ZRANB3: variants seen among roughly 807,000 people sequenced by gnomAD.
The protein encoded by ZRANB3 is zinc finger RANBP2-type containing 3.
Under a neutral mutation model 133.8 loss-of-function variants are expected in ZRANB3, and 125 were observed. That is an observed-to-expected ratio of 0.93 (90% CI 0.81 to 1.08). The LOEUF is 1.08. ZRANB3 is among the 50% of genes least tolerant of loss of function. The pLI is 0.00. For missense variants in ZRANB3, 1,229 were observed against 1,275.5 expected (o/e 0.96, Z 0.56); for synonymous variants, 387 against 432.7 (o/e 0.89, Z 1.31).
At chr2:135,433,181 C>CA (rs1313800161) in intron 2 of ZRANB3, among the ~76,000 whole-genome samples, 1 of 151,936 alleles carries the variant, frequency 6.6e-6, no homozygotes, top group African/African-American at 2.4e-5. Flanking sequence ...AAGAAGAAAT[C>CA]AGAGTTCCCA....
chr2:135,293,347 C>CT (rs1681862975), intron 8 of ZRANB3, among the ~76,000 whole-genome samples: 1 of 151,866 alleles, frequency 6.6e-6, no homozygotes, highest in South Asian at 2.1e-4. Context: ...ATTTTACTCT[C>CT]TTTGAAGCAA....
chr2:135,511,546 T>C, intron 1 of ZRANB3: 1 of 1,017,148 alleles, frequency 9.8e-7, no homozygotes, highest in Non-Finnish European at 1.6e-6. Flanking sequence ...CTCATCTTGC[T>C]ATCTGAAGAT....
chr2:135,310,771 TTATTA>T (rs966477835), intron 8 of ZRANB3, among the ~76,000 whole-genome samples: 2 of 152,124 alleles, frequency 1.3e-5, no homozygotes, highest in Non-Finnish European at 2.9e-5. Context: ...CAAGTGCCAT[TTATTA>T]TGTTTCTATA....
chr2:135,335,608 T>A (rs1684334583), intron 6 of ZRANB3, among the ~76,000 whole-genome samples: 1 of 151,834 alleles, frequency 6.6e-6, no homozygotes, highest in African/African-American at 2.4e-5. Flanking sequence ...CAGGACAATC[T>A]CTTGAACCAG....
intron 8 of ZRANB3, among the ~76,000 whole-genome samples, chr2:135,289,645 G>T (rs1019884860): frequency 1.3e-5 from 2 of 152,192 alleles, no homozygotes; most frequent in African/African-American, 2.4e-5. Context: ...GCTCAAGCCT[G>T]TAATCCTAGC....
chr2:135,202,944 T>C lies in ZRANB3; in HGVS notation c.3029A>G (p.Asn1010Ser), dbSNP rs1558824968. The C allele has an allele frequency of 1.9e-6, 3 of 1,612,538 alleles. No homozygotes were observed. Among genetic ancestry groups the C allele is most frequent in the Non-Finnish European group, 2.5e-6 (3 of 1,179,318 alleles). The change falls in exon 20 of 21, where the codon AAC (asparagine) becomes AGC (serine). Residue 1010 changes from asparagine to serine, a missense_variant. Asn to Ser is a conservative substitution (Grantham distance 46, BLOSUM62 1). Transcript: ENST00000264159. ...PLEQLNEMIR[N>S]PGEGHFWQVD... ...CTGCCAGAAATGTCCTTCCCCTGGGTTTCTTATCATTTCATTTAGCTGCAA... is the reference window on the plus strand; with the variant it reads ...CTGCCAGAAATGTCCTTCCCCTGGGCTTCTTATCATTTCATTTAGCTGCAA...
rs58397628 is a variant in ZRANB3, at chr2:135,438,268, G to T, written c.162-47448C>A. Among the ~76,000 whole-genome samples the T allele has an allele frequency of 5.8e-3, 888 of 152,114 alleles. 11 individuals carry two copies. The highest frequency in any genetic ancestry group is 0.033 in the South Asian group (159 of 4,818). ...ATGTCTATACATTTTTTATTGGGAG[G>T]CTGAGGCGGGTGGATCACCTGAGGT... is the stretch of plus-strand genomic sequence containing the variant. On this transcript the variant is annotated intron_variant, in intron 2 of 20. Coordinates refer to ENST00000264159, the MANE Select transcript of ZRANB3 (RefSeq NM_032143.4).
At chr2:135,356,904 G>A (rs1410980132) in intron 3 of ZRANB3, among the ~76,000 whole-genome samples, 4 of 151,796 alleles carry the variant, frequency 2.6e-5, no homozygotes, top group African/African-American at 9.7e-5. Flanking sequence ...GGCTGGTCTC[G>A]AACTCCTGAG....
At chr2:135,419,054 C>T (rs960805330) in intron 2 of ZRANB3, among the ~76,000 whole-genome samples, 3 of 146,616 alleles carry the variant, frequency 2.0e-5, no homozygotes, top group Admixed American at 7.1e-5. Context: ...TCTCCTGTCT[C>T]AGCCTCCCGA....
chr2:135,245,945 A>AAAAAAAAAAAAAAAAAAAAAAAAAAC (rs1437529464), intron 12 of ZRANB3, among the ~76,000 whole-genome samples: 1 of 146,574 alleles, frequency 6.8e-6, no homozygotes, highest in African/African-American at 2.5e-5. Context: ...AAAAAAAAAA[A>AAAAAAAAAAAAAAAAAAAAAAAAAAC]AAAGAGACAG....
intron 2 of ZRANB3, among the ~76,000 whole-genome samples, chr2:135,418,440 T>A (rs1297769519): frequency 6.6e-6 from 1 of 152,184 alleles, no homozygotes; most frequent in East Asian, 1.9e-4. Flanking sequence ...AAATGTTTAA[T>A]GCATTTAGAG....
chr2:135,497,634 G>A (rs981053399), intron 2 of ZRANB3, among the ~76,000 whole-genome samples: 3 of 152,138 alleles, frequency 2.0e-5, no homozygotes, highest in African/African-American at 4.8e-5. Context: ...CACTTATCTA[G>A]AAAGGTATAC....
intron 2 of ZRANB3, among the ~76,000 whole-genome samples, chr2:135,438,769 T>A (rs1689654988): frequency 6.6e-6 from 1 of 152,156 alleles, no homozygotes; most frequent in Non-Finnish European, 1.5e-5. Context: ...TGTTCTTAAA[T>A]CTCAATCTGA....
rs568141985 is a variant in ZRANB3 at position 135,402,911 on chromosome 2, T to C, written c.162-12091A>G. ...AGTCCATTCTTTTTCAATGTAACCT[T>C]ATTGCATAATACACATGTATTAGGC... On this transcript the variant is annotated intron_variant, in intron 2 of 20. Coordinates refer to ENST00000264159, the MANE Select transcript of ZRANB3 (RefSeq NM_032143.4). Among the ~76,000 whole-genome samples, 7 of 152,186 alleles carry C rather than the reference T, an allele frequency of 4.6e-5. No individual in the cohort carries two copies. In the East Asian group the frequency reaches 1.4e-3, roughly 29 times the overall value.
intron 12 of ZRANB3, among the ~76,000 whole-genome samples, chr2:135,231,373 A>G (rs1181160010): frequency 6.6e-6 from 1 of 152,218 alleles, no homozygotes; most frequent in Non-Finnish European, 1.5e-5. Context: ...TTTCAGGTCA[A>G]TCAAGGACCT....
At chr2:135,349,776 C>T (rs1224289835) in intron 5 of ZRANB3, among the ~76,000 whole-genome samples, 3 of 152,146 alleles carry the variant, frequency 2.0e-5, no homozygotes, top group Non-Finnish European at 4.4e-5. Flanking sequence ...ATGTTTTATA[C>T]ATACCTACAA....
chr2:135,501,260 C>T (rs1371150019), intron 2 of ZRANB3, among the ~76,000 whole-genome samples: 12 of 152,026 alleles, frequency 7.9e-5, no homozygotes, highest in African/African-American at 2.7e-4. Flanking sequence ...GATTATGCCA[C>T]TCACCAATGA....
In ZRANB3 at chr2:135,446,120, C is replaced by T. The variant is rs531848537; in HGVS notation, c.162-55300G>A. ...ACTTGGGAGGCTGAGGCAAGAGAAT[C>T]GCTTGAACCCAGGAGGCAGAGGTTG... On this transcript the variant is annotated intron_variant, in intron 2 of 20. Transcript: ENST00000264159. 9.3e-5 allele frequency among the ~76,000 whole-genome samples: 14 copies of T among 150,666 alleles called. 1 individual carries two copies. The highest frequency in any genetic ancestry group is 4.2e-4 in the South Asian group (2 of 4,740).
At chr2:135,525,125 T>C (rs1172833441) in intron 1 of ZRANB3, among the ~76,000 whole-genome samples, 1 of 151,994 alleles carries the variant, frequency 6.6e-6, no homozygotes, top group East Asian at 1.9e-4. Context: ...ATGTGAGAAA[T>C]ATGACAAAGA....
Sources: gnomAD v4.1 joint callset for allele counts (sites outside exome capture counted in the v4.1 genomes callset) on GRCh38, gnomAD v4.1.1 for gene constraint, MANE v1.5 for transcripts, NCBI Gene and HGNC (gene_info 2026-07-23, HGNC 2026-07-21) for gene names.